RYR2: variants seen among roughly 807,000 people sequenced by gnomAD.
The protein encoded by RYR2 is ryanodine receptor 2, also known as cardiac muscle ryanodine receptor-calcium release channel.
Under a neutral mutation model 601.1 loss-of-function variants are expected in RYR2, and 227 were observed. That is an observed-to-expected ratio of 0.38 (90% CI 0.34 to 0.42). RYR2 has a LOEUF of 0.42. Among genes scored for constraint, RYR2 ranks in the 10% least tolerant of loss-of-function variants. The probability of loss-of-function intolerance (pLI) is 1.00; values close to 1 mark genes in which losing one functional copy is unlikely to be tolerated. For missense variants in RYR2, 4,646 were observed against 6,156.5 expected, an observed-to-expected ratio of 0.75 and a Z score of 8.21; for synonymous variants, 2,223 against 2,175.1, an observed-to-expected ratio of 1.02 and a Z score of -0.61.
intron 73 of RYR2, among the ~76,000 whole-genome samples, chr1:237,722,526 C>G (rs554117861): frequency 6.6e-6 from 1 of 151,610 alleles, no homozygotes; most frequent in East Asian, 1.9e-4. Context: ...CTCCGCCTCC[C>G]GGGTTCACGC....
chr1:237,544,037 G>A (rs10754610), intron 25 of RYR2, among the ~76,000 whole-genome samples: 33,362 of 152,012 alleles, frequency 0.22, 3,838 homozygotes, highest in Admixed American at 0.3. Context: ...TTTTGCTATC[G>A]GGAAAGCAAA....
rs972296021 is a variant in RYR2 at position 237,396,729 on chromosome 1, C to T, written c.773+8546C>T. Among the ~76,000 whole-genome samples, 17 of 152,236 alleles carry T rather than the reference C, an allele frequency of 1.1e-4. No individual in the cohort carries two copies. In the East Asian group the frequency reaches 2.1e-3, roughly 19 times the overall value. ...GGATTCTTCAGACAGAAAAAGGAGA[C>T]GTTTTCCCCAGACTTAAAAGACATT... On this transcript the variant is annotated intron_variant, in intron 10 of 104. Coordinates refer to ENST00000366574, the MANE Select transcript of RYR2 (RefSeq NM_001035.3).
intron 2 of RYR2, among the ~76,000 whole-genome samples, chr1:237,314,679 T>A (rs1421105532): frequency 6.6e-6 from 1 of 152,214 alleles, no homozygotes; most frequent in Non-Finnish European, 1.5e-5. Flanking sequence ...AATGTTCTTT[T>A]GAGGAGAGAT....
chr1:237,790,087 A>C (rs1372169557), intron 92 of RYR2, among the ~76,000 whole-genome samples: 2 of 152,168 alleles, frequency 1.3e-5, no homozygotes, highest in Non-Finnish European at 2.9e-5. Context: ...CCCCTGACAT[A>C]TCCACTTAAA....
rs528803386 is a variant in RYR2 at position 237,533,949 on chromosome 1, TA to T, written c.2906+3444del. ...GTTATTTTATAATGATTTTTTAAAA[TA>T]AAAATCTGATGACAGATGTAAATCC... On this transcript the variant is annotated intron_variant, in intron 25 of 104. Coordinates refer to ENST00000366574, the MANE Select transcript of RYR2 (RefSeq NM_001035.3). Among the ~76,000 whole-genome samples, 61 of 152,170 alleles carry T rather than the reference TA, an allele frequency of 4.0e-4. 1 individual carries two copies. Among genetic ancestry groups the T allele is most frequent in the South Asian group, 3.5e-3 (17 of 4,824 alleles).
intron 25 of RYR2, among the ~76,000 whole-genome samples, chr1:237,531,780 G>A (rs578219435): frequency 6.6e-6 from 1 of 151,898 alleles, no homozygotes; most frequent in Non-Finnish European, 1.5e-5. Flanking sequence ...GTGTTTTATG[G>A]GTACATTTTG....
At chr1:237,334,415 T>C (rs1418659638) in intron 3 of RYR2, among the ~76,000 whole-genome samples, 1 of 149,622 alleles carries the variant, frequency 6.7e-6, no homozygotes, top group Non-Finnish European at 1.5e-5. Flanking sequence ...TCTAAGTGGA[T>C]TTTCTAAAAT....
rs923398430 is a variant in RYR2, at chr1:237,180,744, A to G, written c.49-89753A>G. ...CATATACATAGATATATGCTATTAT[A>G]TAATAAATATTAATATGTTAATAGT... On this transcript the variant is annotated intron_variant, in intron 1 of 104. Transcript: ENST00000366574. This position sits in a 1 kb window ranked among gnomAD's most constrained non-coding sequence, Gnocchi z 5.3. Among the ~76,000 whole-genome samples, 1 of 148,038 alleles carries G rather than the reference A, an allele frequency of 6.8e-6. No individual in the cohort carries two copies. The highest frequency in any genetic ancestry group is 1.5e-5 in the Non-Finnish European group (1 of 67,272).
At chr1:237,828,292 A>G in intron 101 of RYR2, 89 bp from the exon 102 acceptor site, 1 of 859,490 alleles carries the variant, frequency 1.2e-6, no homozygotes, top group Non-Finnish European at 1.9e-6. Context: ...AGGTAGTTGT[A>G]CATCTCCCCT....
intron 73 of RYR2, among the ~76,000 whole-genome samples, chr1:237,718,868 G>C (rs1408293155): frequency 6.6e-6 from 1 of 152,116 alleles, no homozygotes; most frequent in Non-Finnish European, 1.5e-5. Flanking sequence ...ATGTTGGTGT[G>C]CTGCACCCAT....
At chr1:237,306,825 A>T (rs914550141) in intron 2 of RYR2, among the ~76,000 whole-genome samples, 3 of 152,192 alleles carry the variant, frequency 2.0e-5, no homozygotes, top group East Asian at 1.9e-4. Context: ...AACAAGAATT[A>T]GTCCTTTTAA....
intron 11 of RYR2, among the ~76,000 whole-genome samples, chr1:237,418,244 G>A (rs750983947): frequency 1.2e-4 from 19 of 152,134 alleles, no homozygotes; most frequent in East Asian, 5.8e-4. Flanking sequence ...GGGTTTAACC[G>A]TGTTAGCCAG....
intron 100 of RYR2, among the ~76,000 whole-genome samples, chr1:237,817,502 A>G (rs780787049): frequency 3.3e-5 from 5 of 152,200 alleles, no homozygotes; most frequent in Non-Finnish European, 7.3e-5. Context: ...TTCTTGTTGG[A>G]ATGCAGTCAG....
chr1:237,208,936 GTATATATATATATATATATATATATATA>G (rs56133827), intron 1 of RYR2, among the ~76,000 whole-genome samples: 31 of 89,872 alleles, frequency 3.4e-4, no homozygotes, highest in South Asian at 1.2e-3. Flanking sequence ...ATGTGTGTGT[GTATATATATATATATATATATATATATA>G]TATATATATA....
intron 1 of RYR2, among the ~76,000 whole-genome samples, chr1:237,115,872 A>G (rs1226825293): frequency 6.6e-6 from 1 of 152,036 alleles, no homozygotes; most frequent in African/African-American, 2.4e-5. Context: ...AGTGATGTTA[A>G]CAAATTGCCC....
chr1:237,231,306 TTTTC>T (rs142958213), intron 1 of RYR2, among the ~76,000 whole-genome samples: 6,887 of 151,290 alleles, frequency 0.046, 379 homozygotes, highest in East Asian at 0.21. Context: ...TAGTGTCTTT[TTTTC>T]TTTCTTTCTT....
At chr1:237,236,579 A>G (rs906490992) in intron 1 of RYR2, among the ~76,000 whole-genome samples, 7 of 152,326 alleles carry the variant, frequency 4.6e-5, no homozygotes, top group African/African-American at 1.2e-4. Flanking sequence ...TTGTGCAGAT[A>G]GTTATTGGTA....
intron 29 of RYR2, among the ~76,000 whole-genome samples, chr1:237,588,059 C>A (rs1182988423): frequency 1.3e-5 from 2 of 152,178 alleles, no homozygotes; most frequent in East Asian, 3.9e-4. Context: ...TATTTGATTT[C>A]TTTGGGGACA....
chr1:237,295,056 G>A (rs913371688), intron 2 of RYR2, among the ~76,000 whole-genome samples: 2 of 152,002 alleles, frequency 1.3e-5, no homozygotes, highest in African/African-American at 4.8e-5. Flanking sequence ...TCTCCAAAAC[G>A]TAGAGAAAAA....
Sources: gnomAD v4.1 joint callset for allele counts (sites outside exome capture counted in the v4.1 genomes callset) on GRCh38, gnomAD v4.1.1 for gene constraint, Gnocchi (gnomAD v3.1) non-coding constraint, MANE v1.5 for transcripts, NCBI Gene and HGNC (gene_info 2026-07-23, HGNC 2026-07-21) for gene names.